Variants in UBL5 observed in about 807,000 individuals in gnomAD.
The protein encoded by UBL5 is ubiquitin like 5.
In UBL5, 13 loss-of-function variants were observed where a neutral mutation model predicts 11.7. The ratio of observed to expected loss-of-function variants is 1.11; its 90% CI spans 0.73 to 1.77. The LOEUF is 1.77. UBL5 is among the 40% of genes most tolerant of loss of function. UBL5 has a pLI of 0.00. For missense variants in UBL5, 58 were observed against 92.3 expected (o/e 0.63, Z 1.52); for synonymous variants, 28 against 34.7 (o/e 0.81, Z 0.68).
chr19:9,827,924 G>T lies in UBL5; in HGVS notation c.-72G>T, dbSNP rs761635738. On this transcript the variant is annotated 5_prime_UTR_variant, in exon 1 of 5. Transcript: ENST00000586895. Reference sequence around the variant, plus strand: ...GCTTCCGGTTCCTAGCGTTAACTGCGACCGGGGTTCAGCGCTCGGGTGAGG... The same window carrying T: ...GCTTCCGGTTCCTAGCGTTAACTGCTACCGGGGTTCAGCGCTCGGGTGAGG... 9.6e-5 allele frequency: 25 copies of T among 260,314 alleles called. No homozygotes were observed. The highest frequency in any genetic ancestry group is 1.6e-4 in the Non-Finnish European group (21 of 131,978). The allele number at this position is 260,314 out of a possible 1,614,324, so 16.1% of individuals were successfully genotyped here. A position where few individuals can be genotyped will look rare whatever the true frequency, so the allele number is the denominator to read the frequency against.
intron 4 of UBL5, chr19:9,829,148 T>C (rs2046041716): frequency 2.0e-6 from 1 of 489,902 alleles, no homozygotes; most frequent in East Asian, 3.2e-5. Context: ...GGCATATCTA[T>C]TGTGCAAAAG....
chr19:9,828,458 A>G (rs1007809337), intron 2 of UBL5, 65 bp downstream of exon 2: 6 of 1,609,678 alleles, frequency 3.7e-6, no homozygotes, highest in Non-Finnish European at 5.1e-6. Flanking sequence ...CAGGCAACTC[A>G]ATCTGTGTTG....
rs749718433 is a variant in UBL5 at position 9,828,314 on chromosome 19, C to T, written c.-11-13C>T. On this transcript the variant is annotated splice_polypyrimidine_tract_variant and intron_variant, in intron 1 of 4. Coordinates refer to ENST00000586895, the MANE Select transcript of UBL5 (RefSeq NM_001048241.3). ...GACTTTGCTGCCTCCCACCCACCCC[C>T]CGCTTTGTGTAGCTCCAGCTAGGAT... is the stretch of plus-strand genomic sequence containing the variant. 1 of 1,611,882 alleles carries T rather than the reference C, an allele frequency of 6.2e-7. No homozygotes were observed. The highest frequency in any genetic ancestry group is 1.1e-5 in the South Asian group (1 of 90,990).
chr19:9,828,525 A>T (rs2145398871), intron 2 of UBL5, 67 bp from the exon 3 acceptor site: 2 of 1,600,646 alleles, frequency 1.2e-6, no homozygotes, highest in East Asian at 4.5e-5. Context: ...GGCAGATGGT[A>T]TTCTGCCCTA....
intron 4 of UBL5, chr19:9,829,086 TACTG>T (rs1337152905): frequency 1.2e-5 from 7 of 607,186 alleles, no homozygotes; most frequent in Non-Finnish European, 2.1e-5. Flanking sequence ...AAATATTTAT[TACTG>T]ACCTCCACCT....
rs1227689593 is a variant in UBL5, at chr19:9,828,762, G to C, written c.141-75G>C. The C allele has an allele frequency of 3.8e-5, 62 of 1,610,870 alleles. No individual in the cohort carries two copies. The South Asian group carries it at 6.0e-4, about 16-fold the overall frequency. ...AGCGCTGCAGGCAGCCCTTTGCTTA[G>C]GCTTGGCTACCTCATTTGGCCTACA... On this transcript the variant is annotated intron_variant, in intron 3 of 4. Transcript: ENST00000586895.
Position 9,828,586 on chromosome 19 carries a change from G to A in UBL5, c.57-6G>A, listed in dbSNP as rs182577689. On this transcript the variant is annotated splice_region_variant and splice_polypyrimidine_tract_variant and intron_variant, in intron 2 of 4. Coordinates refer to ENST00000586895, the MANE Select transcript of UBL5 (RefSeq NM_001048241.3). ...CTTCCATTTGCCTTAACTGCTCTGC[G>A]CCCAGCACGGATGATACCATCGGGG... is the stretch of plus-strand genomic sequence containing the variant. 2 of 1,614,136 alleles carry A rather than the reference G, an allele frequency of 1.2e-6. No individual in the cohort carries two copies. Among genetic ancestry groups the A allele is most frequent in the Admixed American group, 3.3e-5 (2 of 60,016 alleles).
At chr19:9,829,167 A>G (rs1257235649) in intron 4 of UBL5, 5 of 397,994 alleles carry the variant, frequency 1.3e-5, no homozygotes, top group Admixed American at 1.2e-4. Flanking sequence ...AGGAGCAGAA[A>G]CTTTTTACAA....
At position 9,828,584 on chromosome 19, in the gene UBL5, G is replaced by A; in HGVS notation, c.57-8G>A. 1 of 1,614,146 alleles carries A rather than the reference G, an allele frequency of 6.2e-7. No individual in the cohort carries two copies. Among genetic ancestry groups the A allele is most frequent in the Non-Finnish European group, 8.5e-7 (1 of 1,180,034 alleles). On this transcript the variant is annotated splice_region_variant and splice_polypyrimidine_tract_variant and intron_variant, in intron 2 of 4. Transcript: ENST00000586895. Reference sequence around the variant, plus strand: ...CGCTTCCATTTGCCTTAACTGCTCTGCGCCCAGCACGGATGATACCATCGG... The same window carrying A: ...CGCTTCCATTTGCCTTAACTGCTCTACGCCCAGCACGGATGATACCATCGG...
rs989995719 is a variant in UBL5 at position 9,827,951 on chromosome 19, G to T, written c.-45G>T. On this transcript the variant is annotated 5_prime_UTR_variant, in exon 1 of 5. Transcript: ENST00000586895. ...CCGGGGTTCAGCGCTCGGGTGAGGA[G>T]CTGGTGGCGTCGGCAGGTTCGAGGC... The T allele has an allele frequency of 3.1e-6, 1 of 322,754 alleles. No homozygotes were observed. The highest frequency in any genetic ancestry group is 5.9e-6 in the Non-Finnish European group (1 of 170,082). The allele number at this position is 322,754 out of a possible 1,614,324, so 20.0% of individuals were successfully genotyped here. A position where few individuals can be genotyped will look rare whatever the true frequency, so the allele number is the denominator to read the frequency against.
rs374448502 is a variant in UBL5 at position 9,830,031 on chromosome 19, C to T, written c.*23C>T. 1.3e-5 allele frequency: 21 copies of T among 1,613,500 alleles called. 1 individual carries two copies. The highest frequency in any genetic ancestry group is 1.1e-5 in the Non-Finnish European group (13 of 1,179,706). ...TAGATGAGAATCCTCATCTTCCTGC[C>T]CCGCTTTCCTCTCCCATCCTCATCC... On this transcript the variant is annotated 3_prime_UTR_variant, in exon 5 of 5. Coordinates refer to ENST00000586895, the MANE Select transcript of UBL5 (RefSeq NM_001048241.3).
intron 1 of UBL5, 70 bp from the exon 2 acceptor site, chr19:9,828,257 G>C: frequency 6.9e-7 from 1 of 1,445,468 alleles, no homozygotes; most frequent in Non-Finnish European, 9.7e-7. Context: ...TGTAGGCTGG[G>C]GCTTCTGGGC....
chr19:9,828,764 C>T, intron 3 of UBL5, 73 bp from the exon 4 acceptor site: 2 of 1,609,742 alleles, frequency 1.2e-6, no homozygotes, highest in South Asian at 1.1e-5. Context: ...TTTGCTTAGG[C>T]TTGGCTACCT....
chr19:9,828,643 T>A lies in UBL5; in HGVS notation c.108T>A (p.Gly36=), dbSNP rs761941951. The A allele has an allele frequency of 1.2e-6, 2 of 1,614,214 alleles. No individual in the cohort carries two copies. Among genetic ancestry groups the A allele is most frequent in the Non-Finnish European group, 8.5e-7 (1 of 1,180,036 alleles). Residue 36 remains glycine, a synonymous_variant, in exon 3 of 5, where the codon GGT becomes GGA. Transcript: ENST00000586895. ...DLKKLIAAQT[G]TRWNKIVLKK... ...AGAAGCTGATTGCAGCCCAAACTGG[T>A]ACCCGTTGGAACAAGATTGTCCTGA...
intron 2 of UBL5, 63 bp downstream of exon 2, chr19:9,828,456 T>TCAC: frequency 6.2e-7 from 1 of 1,607,182 alleles, no homozygotes; most frequent in African/African-American, 1.3e-5. Context: ...GGCAGGCAAC[T>TCAC]CAATCTGTGT....
chr19:9,828,733 G>A (rs532517656), intron 3 of UBL5, 58 bp downstream of exon 3: 1 of 1,612,826 alleles, frequency 6.2e-7, no homozygotes, highest in Admixed American at 1.7e-5. Flanking sequence ...GTTTTGGTTG[G>A]GGGAGCGCTG....
In UBL5 at chr19:9,829,950, A is replaced by T. The variant is rs2046046606; in HGVS notation, c.179-15A>T. On this transcript the variant is annotated splice_polypyrimidine_tract_variant and intron_variant, in intron 4 of 4. Coordinates refer to ENST00000586895, the MANE Select transcript of UBL5 (RefSeq NM_001048241.3). ...CGGAAGTCAGAGTCAGGATTCCTTA[A>T]CACCTTTCCTTCAGATGAAATCCAC... The T allele has an allele frequency of 6.2e-7, 1 of 1,614,006 alleles. No homozygotes were observed. The highest frequency in any genetic ancestry group is 8.5e-7 in the Non-Finnish European group (1 of 1,179,998).
At chr19:9,828,770 T>C in intron 3 of UBL5, 67 bp from the exon 4 acceptor site, 1 of 1,610,892 alleles carries the variant, frequency 6.2e-7, no homozygotes, top group Non-Finnish European at 8.5e-7. Context: ...TAGGCTTGGC[T>C]ACCTCATTTG....
chr19:9,828,309 AC>A lies in UBL5; in HGVS notation c.-11-12del. The A allele has an allele frequency of 4.1e-6, 5 of 1,219,324 alleles. No homozygotes were observed. Among genetic ancestry groups the A allele is most frequent in the Middle Eastern group, 1.9e-4 (1 of 5,286 alleles). 75.5% of individuals were successfully genotyped at this position (1,219,324 alleles called of 1,614,324 possible). On this transcript the variant is annotated splice_polypyrimidine_tract_variant and intron_variant, in intron 1 of 4. Coordinates refer to ENST00000586895, the MANE Select transcript of UBL5 (RefSeq NM_001048241.3). ...GCTCTGACTTTGCTGCCTCCCACCCACCCCCCGCTTTGTGTAGCTCCAGCTA... is the reference window on the plus strand; with the variant it reads ...GCTCTGACTTTGCTGCCTCCCACCCACCCCCGCTTTGTGTAGCTCCAGCTA...
Sources: allele counts gnomAD v4.1 joint callset, GRCh38; gene constraint gnomAD v4.1.1; transcripts MANE v1.5; gene names NCBI Gene and HGNC (gene_info 2026-07-23, HGNC 2026-07-21).